Variants in SDK2 observed in about 807,000 individuals in gnomAD.
The protein encoded by SDK2 is sidekick cell adhesion molecule 2.
SDK2 carries 105 observed loss-of-function variants against 253.9 expected under a neutral mutation model. The ratio of observed to expected loss-of-function variants is 0.41; its 90% CI spans 0.35 to 0.49. The LOEUF (loss-of-function observed/expected upper bound fraction) is 0.49. SDK2 is among the 20% of genes least tolerant of loss of function. SDK2 has a pLI of 0.06. For missense variants in SDK2, 2,608 were observed against 3,003.0 expected (o/e 0.87, Z 3.07); for synonymous variants, 1,249 against 1,234.9 (o/e 1.01, Z -0.24).
rs377083337 is a variant in SDK2 at position 73,593,181 on chromosome 17, G to A, written c.64+50844C>T. 9.3e-4 allele frequency among the ~76,000 whole-genome samples: 141 copies of A among 152,228 alleles called. 1 individual carries two copies. In the South Asian group the frequency reaches 0.013, roughly 14 times the overall value. Reference sequence around the variant, plus strand: ...GTACCCCACCCCACCCTCTGCCTACGTCTGTGCCACTGGGGGGCTGTGTTC... The same window carrying A: ...GTACCCCACCCCACCCTCTGCCTACATCTGTGCCACTGGGGGGCTGTGTTC... On this transcript the variant is annotated intron_variant, in intron 1 of 44. Coordinates refer to ENST00000392650, the MANE Select transcript of SDK2 (RefSeq NM_001144952.2).
Position 73,616,134 on chromosome 17 carries a change from C to T in SDK2, c.64+27891G>A, listed in dbSNP as rs1042075155. On this transcript the variant is annotated intron_variant, in intron 1 of 44. Transcript: ENST00000392650. This position sits in a 1 kb window ranked among gnomAD's most constrained non-coding sequence, Gnocchi z 5.2. Reference sequence around the variant, plus strand: ...AGACATATGATCCAGTTTGTGGAATCGGTACCTCCTCTTCCCCAGAACATC... The same window carrying T: ...AGACATATGATCCAGTTTGTGGAATTGGTACCTCCTCTTCCCCAGAACATC... Among the ~76,000 whole-genome samples the T allele has an allele frequency of 1.3e-5, 2 of 152,146 alleles. No individual in the cohort carries two copies. The highest frequency in any genetic ancestry group is 2.4e-5 in the African/African-American group (1 of 41,426).
intron 2 of SDK2, among the ~76,000 whole-genome samples, chr17:73,491,869 C>T (rs942299746): frequency 1.3e-5 from 2 of 152,174 alleles, no homozygotes; most frequent in Non-Finnish European, 2.9e-5. Context: ...AAAAGGTGGT[C>T]GGTGTGGGCT....
At chr17:73,539,512 T>C (rs1264449490) in intron 1 of SDK2, among the ~76,000 whole-genome samples, 1 of 42,526 alleles carries the variant, frequency 2.4e-5, no homozygotes, top group African/African-American at 9.3e-5. Context: ...AGCTGGGGGG[T>C]GGTGGGGGGC....
chr17:73,481,969 A>C lies in SDK2; in HGVS notation c.225-9751T>G, dbSNP rs937940734. On this transcript the variant is annotated intron_variant, in intron 2 of 44. Coordinates refer to ENST00000392650, the MANE Select transcript of SDK2 (RefSeq NM_001144952.2). The surrounding 1 kb of genome is among the most constrained non-coding windows in gnomAD (Gnocchi z 4.5). ...TTCTCTGCACAACCCCGACTAATAC[A>C]CCGACCGTAGAATATGGGAGATAGG... Among the ~76,000 whole-genome samples the C allele has an allele frequency of 6.6e-6, 1 of 151,916 alleles. No homozygotes were observed. The highest frequency in any genetic ancestry group is 1.5e-5 in the Non-Finnish European group (1 of 67,984).
Position 73,422,395 on chromosome 17 carries a change from T to A in SDK2, c.1937A>T (p.Lys646Ile), listed in dbSNP as rs563991505. ...WTVLLASVDP[K>I]ATSVTVKGLV... ...GCCCTTGACTGTCACTGAGGTAGCT[T>A]TGGGGTCCACACTGGCCAGGAGTAC... is the stretch of plus-strand genomic sequence containing the variant. Residue 646 changes from lysine to isoleucine, a missense_variant, in exon 15 of 45, where the codon AAA becomes ATA. By Grantham distance (102) the Lys-to-Ile change is moderately radical. This residue lies in a region of SDK2 where 1,505 missense variants were observed against 1,859.1 expected (regional missense o/e 0.81). Coordinates refer to ENST00000392650, the MANE Select transcript of SDK2 (RefSeq NM_001144952.2). The A allele has an allele frequency of 3.7e-6, 6 of 1,613,822 alleles. No homozygotes were observed. The highest frequency in any genetic ancestry group is 5.1e-6 in the Non-Finnish European group (6 of 1,179,838).
chr17:73,347,537 C>T (rs1404295086), intron 44 of SDK2, among the ~76,000 whole-genome samples: 2 of 152,170 alleles, frequency 1.3e-5, no homozygotes, highest in Non-Finnish European at 2.9e-5. Flanking sequence ...GAGTGGGAGG[C>T]CCTCAGCCCA....
intron 18 of SDK2, among the ~76,000 whole-genome samples, chr17:73,408,218 A>ATT (rs1315820128): frequency 7.7e-5 from 10 of 129,562 alleles, no homozygotes; most frequent in East Asian, 2.2e-4. Context: ...CACCTGGCTA[A>ATT]TTTTTTTTTT....
intron 2 of SDK2, among the ~76,000 whole-genome samples, chr17:73,474,302 T>G (rs951557712): frequency 1.3e-5 from 2 of 152,234 alleles, no homozygotes; most frequent in Non-Finnish European, 2.9e-5. Context: ...TACTAGCACC[T>G]TCTTTCTAGA....
intron 1 of SDK2, chr17:73,518,581 A>C (rs2064050104): frequency 6.6e-6 from 1 of 152,180 alleles, no homozygotes; most frequent in Non-Finnish European, 1.5e-5. Flanking sequence ...TCTCATTTCC[A>C]ATAGGTTTAT....
rs1052278168 is a variant in SDK2 at position 73,437,786 on chromosome 17, A to G, written c.953T>C (p.Ile318Thr). The change falls in exon 8 of 45, where the codon ATC (isoleucine) becomes ACC (threonine). Residue 318 changes from isoleucine (I) to threonine (T), a missense_variant. Transcript: ENST00000392650. ...CACCACCTTCTCCATCTCCGCAGTG[A>G]TGTGTCTTTCTGGCTCCTTGACAAA... The part of the protein sequence containing the change: ...PQFVKEPERH[I>T]TAEMEKVVDI... The G allele has an allele frequency of 3.1e-6, 5 of 1,613,840 alleles. No individual in the cohort carries two copies. The highest frequency in any genetic ancestry group is 4.2e-6 in the Non-Finnish European group (5 of 1,179,892).
At chr17:73,632,391 G>A (rs540950781) in intron 1 of SDK2, among the ~76,000 whole-genome samples, 106 of 152,312 alleles carry the variant, frequency 7.0e-4, no homozygotes, top group African/African-American at 2.5e-3. Flanking sequence ...CTTTCTCCCC[G>A]TGTGAGAGGT....
At position 73,431,484 on chromosome 17, in the gene SDK2, G is replaced by A; in HGVS notation, c.1480+18C>T. Reference sequence around the variant, plus strand: ...CGCACACACAAATGTATAAAGCCCTGTGGCTCTGCACACTCACCCCAAACG... The same window carrying A: ...CGCACACACAAATGTATAAAGCCCTATGGCTCTGCACACTCACCCCAAACG... On this transcript the variant is annotated intron_variant, in intron 11 of 44. Coordinates refer to ENST00000392650, the MANE Select transcript of SDK2 (RefSeq NM_001144952.2). The surrounding 1 kb of genome is among the most constrained non-coding windows in gnomAD (Gnocchi z 5.6). 3 of 1,604,900 alleles carry A rather than the reference G, an allele frequency of 1.9e-6. No homozygotes were observed. Among genetic ancestry groups the A allele is most frequent in the Middle Eastern group, 1.7e-4 (1 of 5,970 alleles).
At chr17:73,387,063 C>T (rs1323363724) in intron 30 of SDK2, among the ~76,000 whole-genome samples, 16 of 152,184 alleles carry the variant, frequency 1.1e-4, no homozygotes, top group Admixed American at 3.9e-4. Flanking sequence ...CGCGTTCAAG[C>T]GATTCTTGTG....
Position 73,643,957 on chromosome 17 carries a change from T to TGCCCCCCCCCCCCC in SDK2, c.64+67_64+68insGGGGGGGGGGGGGC. ...GGAGGTCACCGTGAGGCCGGCCAGC[T>TGCCCCCCCCCCCCC]CCCGCCGCCCCTCCCCCGCCCACTC... On this transcript the variant is annotated intron_variant, in intron 1 of 44. Coordinates refer to ENST00000392650, the MANE Select transcript of SDK2 (RefSeq NM_001144952.2). The surrounding 1 kb of genome is among the most constrained non-coding windows in gnomAD (Gnocchi z 6.9). 6 of 1,019,984 alleles carry TGCCCCCCCCCCCCC rather than the reference T, an allele frequency of 5.9e-6. No homozygotes were observed. Among genetic ancestry groups the TGCCCCCCCCCCCCC allele is most frequent in the Non-Finnish European group, 7.4e-6 (5 of 674,874 alleles). The allele number at this position is 1,019,984 out of a possible 1,614,324, so 63.2% of individuals were successfully genotyped here.
At position 73,435,378 on chromosome 17, in the gene SDK2, G is replaced by A. The variant is rs984090522; in HGVS notation, c.1195+72C>T. 4.3e-5 allele frequency: 62 copies of A among 1,427,168 alleles called. 1 individual carries two copies. Among genetic ancestry groups the A allele is most frequent in the East Asian group, 2.3e-4 (9 of 39,894 alleles). The allele number at this position is 1,427,168 out of a possible 1,614,324, so 88.4% of individuals were successfully genotyped here. ...ACGTGCTATGCACAAGAGGCCCCTC[G>A]GAAGACCTTGGAAGAAAGCTGCGTC... On this transcript the variant is annotated intron_variant, in intron 9 of 44. Coordinates refer to ENST00000392650, the MANE Select transcript of SDK2 (RefSeq NM_001144952.2). This position sits in a 1 kb window ranked among gnomAD's most constrained non-coding sequence, Gnocchi z 5.7.
chr17:73,502,605 T>A (rs1399812926), intron 2 of SDK2, among the ~76,000 whole-genome samples: 3 of 152,328 alleles, frequency 2.0e-5, no homozygotes, highest in South Asian at 4.1e-4. Flanking sequence ...CCATAATGCA[T>A]GAGTTTATAC....
intron 1 of SDK2, among the ~76,000 whole-genome samples, chr17:73,636,788 C>T (rs9901365): frequency 0.028 from 4,300 of 151,502 alleles, 211 homozygotes; most frequent in African/African-American, 0.096. Flanking sequence ...GAAGAAAAGC[C>T]GTCTTAATGC....
chr17:73,613,484 T>G (rs1482180454), intron 1 of SDK2, among the ~76,000 whole-genome samples: 1 of 152,008 alleles, frequency 6.6e-6, no homozygotes, highest in Non-Finnish European at 1.5e-5. Context: ...CGTGCTCTCT[T>G]TGGAAAGGAT....
chr17:73,637,023 T>G (rs1356964936), intron 1 of SDK2, among the ~76,000 whole-genome samples: 1 of 152,160 alleles, frequency 6.6e-6, no homozygotes, highest in Non-Finnish European at 1.5e-5. Flanking sequence ...CTGACAGAGC[T>G]TGAACCCAGG....
Sources: gnomAD v4.1 joint callset for allele counts (sites outside exome capture counted in the v4.1 genomes callset) on GRCh38, gnomAD v4.1.1 for gene constraint, gnomAD v4.1.1 regional missense constraint, Gnocchi (gnomAD v3.1) non-coding constraint, MANE v1.5 for transcripts, NCBI Gene and HGNC (gene_info 2026-07-23, HGNC 2026-07-21) for gene names.